Variants in PPP1R13B observed in about 807,000 individuals in gnomAD.
PPP1R13B encodes apoptosis-stimulating of p53 protein 1.
A neutral mutation model predicts 119.8 loss-of-function variants in PPP1R13B; 44 were observed. The ratio of observed to expected loss-of-function variants is 0.37; its 90% CI spans 0.29 to 0.47. The LOEUF (loss-of-function observed/expected upper bound fraction) is 0.47, where lower values mean the gene tolerates loss of function less well. PPP1R13B is among the 20% of genes least tolerant of loss of function. PPP1R13B has a pLI of 0.99. For synonymous variants in PPP1R13B, 542 were observed against 561.5 expected (o/e 0.97, Z 0.49); for missense variants, 1,227 against 1,413.5 (o/e 0.87, Z 2.12).
intron 8 of PPP1R13B, among the ~76,000 whole-genome samples, chr14:103,748,128 C>T (rs1439136998): frequency 6.6e-6 from 1 of 151,224 alleles, no homozygotes; most frequent in African/African-American, 2.4e-5. Context: ...CACGCGCACG[C>T]TACTGGTTCT....
chr14:103,832,365 G>A (rs1241726402), intron 1 of PPP1R13B, among the ~76,000 whole-genome samples: 1 of 152,106 alleles, frequency 6.6e-6, no homozygotes, highest in African/African-American at 2.4e-5. Context: ...TCCAGTCTGA[G>A]ACCACACTCT....
chr14:103,814,508 T>C (rs182708481), intron 1 of PPP1R13B, among the ~76,000 whole-genome samples: 232 of 152,170 alleles, frequency 1.5e-3, no homozygotes, highest in African/African-American at 5.5e-3. Flanking sequence ...GATAAGGCAG[T>C]AAAAGTTTCA....
intron 4 of PPP1R13B, among the ~76,000 whole-genome samples, chr14:103,768,545 C>T (rs2084991094): frequency 6.6e-6 from 1 of 152,170 alleles, no homozygotes; most frequent in Admixed American, 6.5e-5. Flanking sequence ...GATCCGCCTG[C>T]CTCAGCCTCC....
intron 1 of PPP1R13B, chr14:103,847,081 G>C: frequency 1.0e-6 from 1 of 995,162 alleles, no homozygotes; most frequent in Non-Finnish European, 1.2e-6. Context: ...CGAGCAGGAA[G>C]GGCCCGCAGG....
intron 1 of PPP1R13B, among the ~76,000 whole-genome samples, chr14:103,825,331 G>C (rs1452176596): frequency 6.6e-6 from 1 of 152,136 alleles, no homozygotes; most frequent in African/African-American, 2.4e-5. Context: ...TGAAAGGAAA[G>C]TGACCATGTC....
chr14:103,745,536 C>T (rs2084364460), intron 9 of PPP1R13B, among the ~76,000 whole-genome samples: 1 of 152,250 alleles, frequency 6.6e-6, no homozygotes, highest in Non-Finnish European at 1.5e-5. Context: ...ACAGACTCTC[C>T]ATGAACAGCT....
chr14:103,769,994 T>C (rs1163096194), intron 4 of PPP1R13B, among the ~76,000 whole-genome samples: 1 of 152,154 alleles, frequency 6.6e-6, no homozygotes. Context: ...CTAAAATGCA[T>C]ACTAGCTCCC....
At chr14:103,826,998 C>A (rs1446081343) in intron 1 of PPP1R13B, among the ~76,000 whole-genome samples, 1 of 145,834 alleles carries the variant, frequency 6.9e-6, no homozygotes, top group Non-Finnish European at 1.5e-5. Flanking sequence ...GGTGACAGAG[C>A]GAAACTCCAT....
intron 2 of PPP1R13B, among the ~76,000 whole-genome samples, chr14:103,791,899 G>T (rs2085630756): frequency 6.6e-6 from 1 of 151,904 alleles, no homozygotes; most frequent in African/African-American, 2.4e-5. Context: ...TCTCAGTTTT[G>T]CATAAAATTG....
At chr14:103,792,235 T>A (rs1346194060) in intron 2 of PPP1R13B, among the ~76,000 whole-genome samples, 1 of 151,138 alleles carries the variant, frequency 6.6e-6, no homozygotes, top group Admixed American at 6.6e-5. Flanking sequence ...CACTCTGTCC[T>A]CTGTCACCCA....
At chr14:103,745,286 C>G (rs764897174) in intron 9 of PPP1R13B, among the ~76,000 whole-genome samples, 39 of 152,136 alleles carry the variant, frequency 2.6e-4, no homozygotes, top group Non-Finnish European at 5.7e-4. Context: ...GGGGGCCAGG[C>G]AAGAGAAAAT....
rs1466853368 is a variant in PPP1R13B, at chr14:103,746,463, T to C, written c.1060A>G (p.Ser354Gly). The C allele has an allele frequency of 3.1e-6, 5 of 1,614,044 alleles. No individual in the cohort carries two copies. The highest frequency in any genetic ancestry group is 2.7e-5 in the African/African-American group (2 of 74,932). ...AAVGPYIQVP[S>G]AGSFPVLGDP... The stretch of plus-strand genomic sequence containing the variant: ...CCCAGCACAGGAAAGCTTCCGGCAC[T>C]GGGAACCTGGATATAAGGCCCCACA... The change falls in exon 9 of 17, where the codon AGT becomes GGT. Residue 354 changes from serine (S) to glycine (G), a missense_variant. Physicochemically the swap from Ser to Gly is moderately conservative, Grantham distance 56. Coordinates refer to ENST00000202556, the MANE Select transcript of PPP1R13B (RefSeq NM_015316.3).
At position 103,742,085 on chromosome 14, in the gene PPP1R13B, G is replaced by A. The variant is rs375378687; in HGVS notation, c.1527C>T (p.Thr509=). 3.3e-4 allele frequency: 531 copies of A among 1,613,796 alleles called. No individual in the cohort carries two copies. The highest frequency in any genetic ancestry group is 4.2e-4 in the Non-Finnish European group (496 of 1,179,976). ...TCTGTTGTGAGGAGCCTGGCTGGGGGGTGCTGCCTGTGGCGGGCAGCAGGG... is the reference window on the plus strand; with the variant it reads ...TCTGTTGTGAGGAGCCTGGCTGGGGAGTGCTGCCTGTGGCGGGCAGCAGGG... The part of the protein sequence containing the change: ...RPTLLPATGS[T]PQPGSSQQIQ... Residue 509 remains threonine, a synonymous_variant, in exon 11 of 17, where the codon ACC becomes ACT. Transcript: ENST00000202556. The surrounding 1 kb of genome is among the most constrained non-coding windows in gnomAD (Gnocchi z 4.9).
At chr14:103,821,681 G>A (rs1022858138) in intron 1 of PPP1R13B, among the ~76,000 whole-genome samples, 1 of 152,076 alleles carries the variant, frequency 6.6e-6, no homozygotes, top group Non-Finnish European at 1.5e-5. Context: ...AACCCGGGAG[G>A]CAGAGGTTGC....
Position 103,755,806 on chromosome 14 carries a change from T to C in PPP1R13B, c.457-1562A>G, listed in dbSNP as rs563153814. ...ACATAATACTATGTATATTTTATCT[T>C]AGAAATCTTATTAATGGGATAAAGT... On this transcript the variant is annotated intron_variant, in intron 5 of 16. Transcript: ENST00000202556. Among the ~76,000 whole-genome samples, 5 of 152,342 alleles carry C rather than the reference T, an allele frequency of 3.3e-5. No individual in the cohort carries two copies. The East Asian group carries it at 5.8e-4, about 18-fold the overall frequency.
At chr14:103,814,445 A>C (rs2152062563) in intron 1 of PPP1R13B, among the ~76,000 whole-genome samples, 1 of 152,298 alleles carries the variant, frequency 6.6e-6, no homozygotes, top group African/African-American at 2.4e-5. Context: ...GGCCTGTGTG[A>C]CTCCAAAGCT....
chr14:103,821,857 A>C (rs1003193968), intron 1 of PPP1R13B, among the ~76,000 whole-genome samples: 1 of 152,218 alleles, frequency 6.6e-6, no homozygotes, highest in African/African-American at 2.4e-5. Context: ...AATACCAACA[A>C]GACCCTGGAA....
intron 2 of PPP1R13B, among the ~76,000 whole-genome samples, chr14:103,792,827 T>C (rs1018614945): frequency 4.6e-5 from 7 of 151,854 alleles, no homozygotes; most frequent in African/African-American, 1.7e-4. Context: ...TCCCAGCACT[T>C]TGGGAGGCCG....
intron 9 of PPP1R13B, chr14:103,744,135 C>T (rs563939433): frequency 6.6e-6 from 1 of 152,280 alleles, no homozygotes; most frequent in East Asian, 1.9e-4. Context: ...TGTGGCTGTC[C>T]AGGTGCTTCA....
Sources: gnomAD v4.1 joint callset for allele counts (sites outside exome capture counted in the v4.1 genomes callset) on GRCh38, gnomAD v4.1.1 for gene constraint, Gnocchi (gnomAD v3.1) non-coding constraint, MANE v1.5 for transcripts, NCBI Gene and HGNC (gene_info 2026-07-23, HGNC 2026-07-21) for gene names.